Variants in RIN2 observed in about 807,000 individuals in gnomAD.
The protein encoded by RIN2 is Ras and Rab interactor 2.
RIN2 carries 36 observed loss-of-function variants against 78.0 expected under a neutral mutation model. That is an observed-to-expected ratio of 0.46 (90% confidence interval 0.35 to 0.61). The LOEUF is 0.61. Among genes scored for constraint, RIN2 ranks in the 20% least tolerant of loss-of-function variants. The pLI, the probability that RIN2 is intolerant of heterozygous loss-of-function variation, is 0.00. For missense variants in RIN2, 1,087 were observed against 1,159.7 expected (o/e 0.94, Z 0.91); for synonymous variants, 466 against 466.8 (o/e 1.00, Z 0.02).
At chr20:19,893,827 T>A (rs1209816092) in intron 3 of RIN2, among the ~76,000 whole-genome samples, 1 of 152,074 alleles carries the variant, frequency 6.6e-6, no homozygotes, top group Non-Finnish European at 1.5e-5. Context: ...AATTGTAGCA[T>A]TTTGGGAGGG....
At chr20:19,771,798 A>G (rs568489247) in intron 1 of RIN2, among the ~76,000 whole-genome samples, 1 of 151,712 alleles carries the variant, frequency 6.6e-6, no homozygotes, top group Admixed American at 6.6e-5. Context: ...TTCACAACCC[A>G]CTAATGGGCT....
chr20:19,959,678 T>G lies in RIN2; in HGVS notation c.352-1022T>G, dbSNP rs533528092. ...GGCTATAGAAAGGTAGGGGAGAGAA[T>G]AGGTAGAGAGTAAGGTGTTTAAATG... On this transcript the variant is annotated intron_variant, in intron 5 of 12. Coordinates refer to ENST00000255006, the MANE Select transcript of RIN2 (RefSeq NM_018993.4). 5.3e-5 allele frequency among the ~76,000 whole-genome samples: 8 copies of G among 151,858 alleles called. No individual in the cohort carries two copies. In the South Asian group the frequency reaches 1.7e-3, roughly 32 times the overall value.
intron 2 of RIN2, among the ~76,000 whole-genome samples, chr20:19,884,694 G>C (rs116389514): frequency 6.6e-6 from 1 of 152,112 alleles, no homozygotes; most frequent in Non-Finnish European, 1.5e-5. Context: ...ACATTTGTCT[G>C]TCCAACGTGT....
chr20:19,914,938 A>G (rs897522583), intron 3 of RIN2, among the ~76,000 whole-genome samples: 3 of 152,142 alleles, frequency 2.0e-5, no homozygotes, highest in Non-Finnish European at 4.4e-5. Context: ...TCTGGTCACT[A>G]CAACCTCAAT....
intron 1 of RIN2, among the ~76,000 whole-genome samples, chr20:19,788,173 G>A (rs534744104): frequency 3.3e-5 from 5 of 152,152 alleles, no homozygotes; most frequent in South Asian, 2.1e-4. Flanking sequence ...TAACACAAGC[G>A]TGCCCTATCA....
chr20:19,876,623 G>T (rs1033633055), intron 2 of RIN2, among the ~76,000 whole-genome samples: 1 of 152,092 alleles, frequency 6.6e-6, no homozygotes, highest in South Asian at 2.1e-4. Context: ...ACCACATACC[G>T]GCTGGGTGCT....
chr20:19,963,206 T>C (rs892777449), intron 6 of RIN2, among the ~76,000 whole-genome samples: 1 of 152,172 alleles, frequency 6.6e-6, no homozygotes, highest in African/African-American at 2.4e-5. Context: ...ACTCTACAAA[T>C]TGTGGCACAC....
intron 2 of RIN2, among the ~76,000 whole-genome samples, chr20:19,861,421 T>G (rs2037329663): frequency 1.3e-5 from 2 of 152,334 alleles, no homozygotes; most frequent in South Asian, 4.1e-4. Flanking sequence ...TCCTAGGTGC[T>G]TCTGAGCACT....
chr20:19,992,354 T>C (rs1393440647), intron 11 of RIN2, 55 bp downstream of exon 11: 1 of 1,494,962 alleles, frequency 6.7e-7, no homozygotes, highest in Non-Finnish European at 9.0e-7. Flanking sequence ...TTCATTTTTT[T>C]ATAATTGAGA....
intron 1 of RIN2, among the ~76,000 whole-genome samples, chr20:19,788,804 A>T (rs946639612): frequency 6.6e-6 from 1 of 152,208 alleles, no homozygotes; most frequent in Admixed American, 6.5e-5. Context: ...TACCATGTTC[A>T]TGGATTGAGA....
intron 5 of RIN2, among the ~76,000 whole-genome samples, chr20:19,960,443 C>G (rs1476254090): frequency 4.6e-5 from 7 of 152,178 alleles, no homozygotes; most frequent in Non-Finnish European, 1.0e-4. Flanking sequence ...AATGCTTATG[C>G]AGACTAGGGG....
At chr20:19,868,614 T>A (rs2037582464) in intron 2 of RIN2, among the ~76,000 whole-genome samples, 1 of 152,100 alleles carries the variant, frequency 6.6e-6, no homozygotes, top group Non-Finnish European at 1.5e-5. Flanking sequence ...CCGTGCTCCA[T>A]CCTGTAGGGG....
intron 1 of RIN2, among the ~76,000 whole-genome samples, chr20:19,793,088 G>A (rs1247776754): frequency 1.3e-5 from 2 of 152,038 alleles, no homozygotes; most frequent in Non-Finnish European, 2.9e-5. Flanking sequence ...ATTCCATCAG[G>A]CAGCACTGTC....
In RIN2 at chr20:19,855,115, C is replaced by T. The variant is rs193037995; in HGVS notation, c.-36-34451C>T. Among the ~76,000 whole-genome samples, 51 of 152,236 alleles carry T rather than the reference C, an allele frequency of 3.4e-4. 3 individuals are homozygous for T. Among genetic ancestry groups the T allele is most frequent in the Admixed American group, 2.9e-3 (44 of 15,292 alleles). On this transcript the variant is annotated intron_variant, in intron 2 of 12. Transcript: ENST00000255006. ...AGGGCTGTTGAATTTCGTCAAAGGC[C>T]TTTTCTGCATCTATTGAGATAATCA... is the stretch of plus-strand genomic sequence containing the variant.
chr20:19,954,645 T>C (rs755953841), intron 4 of RIN2, among the ~76,000 whole-genome samples: 10 of 152,108 alleles, frequency 6.6e-5, no homozygotes, highest in Non-Finnish European at 1.3e-4. Context: ...AATGAGAGAA[T>C]GTAGGTAAAG....
chr20:19,980,452 G>C (rs2042411282), intron 9 of RIN2, among the ~76,000 whole-genome samples: 1 of 152,102 alleles, frequency 6.6e-6, no homozygotes, highest in African/African-American at 2.4e-5. Flanking sequence ...TGCACAAGGG[G>C]GCTGTTAGCT....
At chr20:19,814,390 A>G (rs1302468711) in intron 2 of RIN2, among the ~76,000 whole-genome samples, 1 of 97,260 alleles carries the variant, frequency 1.0e-5, no homozygotes, top group Admixed American at 1.3e-4. Context: ...CCCCCTCCCC[A>G]GTGCTTCCAC....
rs1405611684 is a variant in RIN2 at position 19,975,271 on chromosome 20, T to C, written c.1246T>C (p.Ser416Pro). 1 of 1,592,388 alleles carries C rather than the reference T, an allele frequency of 6.3e-7. No individual in the cohort carries two copies. Among genetic ancestry groups the C allele is most frequent in the East Asian group, 2.3e-5 (1 of 43,840 alleles). The change falls in exon 9 of 13, where the codon TCT (serine) becomes CCT (proline). Residue 416 changes from serine (S) to proline (P), a missense_variant. Physicochemically the swap from Ser to Pro is moderately conservative, Grantham distance 74 (BLOSUM62 -1). Coordinates refer to ENST00000255006, the MANE Select transcript of RIN2 (RefSeq NM_018993.4). The surrounding 1 kb of genome is among the most constrained non-coding windows in gnomAD (Gnocchi z 4.9). ...TTGCACAAGGGCCCCGCCGCCCAGC[T>C]CTGAATCACGGCCCCCGTGCCATGG... Reference protein sequence around the residue: ...GDCTRAPPPSSESRPPCHGGR... With the variant: ...GDCTRAPPPSPESRPPCHGGR...
chr20:19,823,877 C>T (rs2036001566), intron 2 of RIN2: 5 of 1,604,166 alleles, frequency 3.1e-6, no homozygotes, highest in Non-Finnish European at 4.3e-6. Flanking sequence ...GAAGTGGCAC[C>T]GACTTCACCT....
Sources: allele counts gnomAD v4.1 joint callset (sites outside exome capture counted in the v4.1 genomes callset), GRCh38; gene constraint gnomAD v4.1.1; non-coding constraint Gnocchi (gnomAD v3.1); transcripts MANE v1.5; gene names NCBI Gene and HGNC (gene_info 2026-07-23, HGNC 2026-07-21).